Variants in CLMN observed in about 807,000 individuals in gnomAD.
The protein encoded by CLMN is calmin (calponin-like, transmembrane).
CLMN carries 57 observed loss-of-function variants against 92.7 expected under a neutral mutation model. That is an observed-to-expected ratio of 0.61 (90% CI 0.50 to 0.77). CLMN has a LOEUF of 0.77. Among genes scored for constraint, CLMN ranks in the 30% least tolerant of loss-of-function variants. CLMN has a pLI of 0.00. For synonymous variants in CLMN, 466 were observed against 470.6 expected, an observed-to-expected ratio of 0.99 and a Z score of 0.13; for missense variants, 1,158 against 1,237.5, an observed-to-expected ratio of 0.94 and a Z score of 0.96.
At chr14:95,223,710 C>A in intron 3 of CLMN, 50 bp downstream of exon 3, 1 of 1,391,474 alleles carries the variant, frequency 7.2e-7, no homozygotes, top group Non-Finnish European at 1.0e-6. Flanking sequence ...ACCTCAGCAG[C>A]GTTTTCCTTT....
At chr14:95,234,622 T>C (rs1897993546) in intron 1 of CLMN, among the ~76,000 whole-genome samples, 2 of 152,216 alleles carry the variant, frequency 1.3e-5, no homozygotes, top group South Asian at 2.1e-4. Context: ...CTGGCCAGGA[T>C]GCCCAAGTGC....
chr14:95,312,713 G>C lies in CLMN; in HGVS notation c.82+6998C>G, dbSNP rs376949097. ...CCACAGATGTTGGGGCTTTCTTCTG[G>C]ATAGAATCAGACGTGGGATAACAAT... is the stretch of plus-strand genomic sequence containing the variant. On this transcript the variant is annotated intron_variant, in intron 1 of 12. Transcript: ENST00000298912. Among the ~76,000 whole-genome samples, 75 of 152,264 alleles carry C rather than the reference G, an allele frequency of 4.9e-4. 2 individuals are homozygous for C. In the South Asian group the frequency reaches 0.015, roughly 31 times the overall value.
intron 1 of CLMN, among the ~76,000 whole-genome samples, chr14:95,264,939 C>CA (rs34109382): frequency 0.087 from 11,143 of 127,370 alleles, 1,099 homozygotes; most frequent in East Asian, 0.44. Context: ...CCATCTCTAC[C>CA]AAAAAAAAAA....
rs116909364 is a variant in CLMN at position 95,290,391 on chromosome 14, G to A, written c.82+29320C>T. 2.5e-3 allele frequency among the ~76,000 whole-genome samples: 376 copies of A among 152,324 alleles called. 3 individuals carry two copies. Among genetic ancestry groups the A allele is most frequent in the Non-Finnish European group, 1.6e-3 (110 of 68,026 alleles). The stretch of plus-strand genomic sequence containing the variant: ...GATCTTGAGATGGAGAAGTTTTCCC[G>A]TAGTCTCAGGGAGGGCCTTAAATGT... On this transcript the variant is annotated intron_variant, in intron 1 of 12. Coordinates refer to ENST00000298912, the MANE Select transcript of CLMN (RefSeq NM_024734.4).
chr14:95,240,625 C>T (rs1167391730), intron 1 of CLMN, among the ~76,000 whole-genome samples: 2 of 152,144 alleles, frequency 1.3e-5, no homozygotes, highest in East Asian at 1.9e-4. Context: ...GCCACAGTCA[C>T]GTGGGGTGGT....
At chr14:95,204,762 C>A (rs1248118238) in intron 8 of CLMN, among the ~76,000 whole-genome samples, 1 of 152,170 alleles carries the variant, frequency 6.6e-6, no homozygotes, top group Non-Finnish European at 1.5e-5. Context: ...AAACCAAGCT[C>A]TAAAGAAGGA....
chr14:95,308,573 T>C (rs1002963555), intron 1 of CLMN, among the ~76,000 whole-genome samples: 4 of 152,170 alleles, frequency 2.6e-5, no homozygotes, highest in South Asian at 2.1e-4. Context: ...CTGATAATAA[T>C]GCCCACCATC....
At chr14:95,288,645 CTGTT>C (rs1900436917) in intron 1 of CLMN, among the ~76,000 whole-genome samples, 1 of 152,198 alleles carries the variant, frequency 6.6e-6, no homozygotes, top group Admixed American at 6.5e-5. Context: ...CTTTCAAAAA[CTGTT>C]TGGCAGCATC....
chr14:95,250,134 C>A (rs550413249), intron 1 of CLMN, among the ~76,000 whole-genome samples: 1 of 152,318 alleles, frequency 6.6e-6, no homozygotes, highest in African/African-American at 2.4e-5. Flanking sequence ...TCCTGAATGG[C>A]CCTACTGGGC....
chr14:95,253,618 T>C (rs1235806231), intron 1 of CLMN, among the ~76,000 whole-genome samples: 1 of 115,652 alleles, frequency 8.6e-6, no homozygotes, highest in Non-Finnish European at 2.1e-5. Flanking sequence ...TGTTTTTTTG[T>C]TTTTTTTTTT....
intron 1 of CLMN, among the ~76,000 whole-genome samples, chr14:95,267,802 A>T (rs1899535372): frequency 6.6e-6 from 1 of 152,238 alleles, no homozygotes; most frequent in African/African-American, 2.4e-5. Context: ...TGAATAAAGA[A>T]AATGTGCTAT....
chr14:95,283,704 C>T (rs1212346301), intron 1 of CLMN, among the ~76,000 whole-genome samples: 1 of 152,126 alleles, frequency 6.6e-6, no homozygotes, highest in African/African-American at 2.4e-5. Flanking sequence ...GAACTTTGAA[C>T]TTGAGAAAGA....
chr14:95,241,913 A>C (rs1898257032), intron 1 of CLMN, among the ~76,000 whole-genome samples: 2 of 152,316 alleles, frequency 1.3e-5, no homozygotes, highest in South Asian at 4.1e-4. Flanking sequence ...TTTTCAAGGA[A>C]GTCTGGTCAC....
chr14:95,224,368 C>T (rs1008028531), intron 2 of CLMN, among the ~76,000 whole-genome samples: 23 of 152,086 alleles, frequency 1.5e-4, no homozygotes, highest in Admixed American at 4.6e-4. Context: ...CTGCAACCTC[C>T]GCCTCCCGGG....
intron 1 of CLMN, among the ~76,000 whole-genome samples, chr14:95,309,742 C>G (rs993750400): frequency 6.6e-6 from 1 of 151,984 alleles, no homozygotes; most frequent in Non-Finnish European, 1.5e-5. Flanking sequence ...ACCAAACTCA[C>G]AGAGAAACCT....
chr14:95,209,396 G>A lies in CLMN; in HGVS notation c.884C>T (p.Ala295Val). 1 of 1,613,828 alleles carries A rather than the reference G, an allele frequency of 6.2e-7. No homozygotes were observed. Among genetic ancestry groups the A allele is most frequent in the Middle Eastern group, 1.7e-4 (1 of 6,058 alleles). Reference sequence around the variant, plus strand: ...TAAAGGTAAGAAAAGCAAACATACGGCTTCCAACTCCGGAAAACGTTCTAG... The same window carrying A: ...TAAAGGTAAGAAAAGCAAACATACGACTTCCAACTCCGGAAAACGTTCTAG... The part of the protein sequence containing the change: ...QFLERFPELE[A>V]EDIFDSDKEV... Residue 295 changes from alanine (A) to valine (V), a missense_variant and splice_region_variant, in exon 8 of 13, where the codon GCC (alanine) becomes GTC (valine). Coordinates refer to ENST00000298912, the MANE Select transcript of CLMN (RefSeq NM_024734.4).
chr14:95,310,243 G>A (rs1901474579), intron 1 of CLMN, among the ~76,000 whole-genome samples: 1 of 152,120 alleles, frequency 6.6e-6, no homozygotes, highest in Non-Finnish European at 1.5e-5. Context: ...AAATTACCCA[G>A]ACTCAGGTAT....
At chr14:95,244,745 T>C (rs1898394428) in intron 1 of CLMN, among the ~76,000 whole-genome samples, 1 of 152,116 alleles carries the variant, frequency 6.6e-6, no homozygotes, top group Non-Finnish European at 1.5e-5. Context: ...CGTGCATCTA[T>C]GCAGGAGATG....
intron 1 of CLMN, among the ~76,000 whole-genome samples, chr14:95,315,188 G>C (rs183450120): frequency 6.6e-6 from 1 of 152,214 alleles, no homozygotes; most frequent in Admixed American, 6.5e-5. Flanking sequence ...TGGGAGAGAA[G>C]GTTGGTGTGG....
Sources: gnomAD v4.1 joint callset for allele counts (sites outside exome capture counted in the v4.1 genomes callset) on GRCh38, gnomAD v4.1.1 for gene constraint, MANE v1.5 for transcripts, NCBI Gene and HGNC (gene_info 2026-07-23, HGNC 2026-07-21) for gene names.